Variants in DRC1 observed in about 807,000 individuals in gnomAD.
The protein encoded by DRC1 is dynein regulatory complex subunit 1.
Under a neutral mutation model 98.7 loss-of-function variants are expected in DRC1, and 74 were observed. The observed-to-expected ratio is 0.75, with a 90% CI of 0.62 to 0.91. The LOEUF (loss-of-function observed/expected upper bound fraction) is 0.91, where lower values mean the gene tolerates loss of function less well. Among genes scored for constraint, DRC1 ranks in the 40% least tolerant of loss-of-function variants. The probability of loss-of-function intolerance (pLI) is 0.00; values close to 1 mark genes in which losing one functional copy is unlikely to be tolerated. For missense variants in DRC1, 875 were observed against 886.0 expected (o/e 0.99, Z 0.16); for synonymous variants, 336 against 334.1 (o/e 1.01, Z -0.06).
intron 2 of DRC1, among the ~76,000 whole-genome samples, chr2:26,420,187 C>G (rs1347789540): frequency 6.6e-6 from 1 of 152,112 alleles, no homozygotes; most frequent in Admixed American, 6.6e-5. Context: ...ACACCTTTTC[C>G]CCTTAAAGTC....
At chr2:26,416,031 C>T (rs1360680331) in intron 2 of DRC1, among the ~76,000 whole-genome samples, 1 of 151,822 alleles carries the variant, frequency 6.6e-6, no homozygotes, top group Admixed American at 6.6e-5. Context: ...TACAGTTCAC[C>T]CCGAGCACTC....
At position 26,402,063 on chromosome 2, in the gene DRC1, C is replaced by G. The variant is rs778586998; in HGVS notation, c.74C>G (p.Pro25Arg). Residue 25 changes from proline to arginine, a missense_variant, in exon 1 of 17, where the codon CCC (proline) becomes CGC (arginine). Coordinates refer to ENST00000288710, the MANE Select transcript of DRC1 (RefSeq NM_145038.5). ...CACTTGTCCACCCAGATTCTCGCGC[C>G]CTCGGTCCACTCCGACAACTCTCAG... ...DEHLSTQILA[P>R]SVHSDNSQER... The G allele has an allele frequency of 1.4e-5, 23 of 1,613,346 alleles. No homozygotes were observed. Among genetic ancestry groups the G allele is most frequent in the Admixed American group, 5.0e-5 (3 of 60,000 alleles).
intron 11 of DRC1, among the ~76,000 whole-genome samples, chr2:26,449,779 G>A (rs1031757925): frequency 6.6e-6 from 1 of 152,298 alleles, no homozygotes; most frequent in Middle Eastern, 3.4e-3. Context: ...GATGGGCTTT[G>A]TCCCTGGCCT....
intron 7 of DRC1, among the ~76,000 whole-genome samples, chr2:26,440,044 C>T (rs534378646): frequency 6.8e-6 from 1 of 147,440 alleles, no homozygotes; most frequent in East Asian, 1.9e-4. Flanking sequence ...ATTCACAGAG[C>T]AGATAAGTTT....
chr2:26,455,025 G>T, intron 15 of DRC1, 106 bp from the exon 16 acceptor site: 1 of 1,401,484 alleles, frequency 7.1e-7, no homozygotes, highest in Non-Finnish European at 1.0e-6. Context: ...GTAGCTTCTG[G>T]AGTCTCCCTC....
chr2:26,438,087 CAAAAAAAAA>C lies in DRC1; in HGVS notation c.889-2275_889-2267del, dbSNP rs61571007. ...AGCCTGGGCGAGAAAGACTCTATCTCAAAAAAAAAAAAAAAAAAAAAAAAGGATTCTGTA... is the reference window on the plus strand; with the variant it reads ...AGCCTGGGCGAGAAAGACTCTATCTCAAAAAAAAAAAAAAAGGATTCTGTA... On this transcript the variant is annotated intron_variant, in intron 7 of 16. Coordinates refer to ENST00000288710, the MANE Select transcript of DRC1 (RefSeq NM_145038.5). Among the ~76,000 whole-genome samples the C allele has an allele frequency of 8.8e-4, 44 of 50,112 alleles. 1 individual carries two copies. Among genetic ancestry groups the C allele is most frequent in the African/African-American group, 2.2e-3 (40 of 18,090 alleles). 32.9% of individuals were successfully genotyped at this position (50,112 alleles called of 152,430 possible).
chr2:26,414,324 T>A lies in DRC1; in HGVS notation c.156-20T>A. 1 of 1,612,046 alleles carries A rather than the reference T, an allele frequency of 6.2e-7. No homozygotes were observed. The highest frequency in any genetic ancestry group is 8.5e-7 in the Non-Finnish European group (1 of 1,179,054). On this transcript the variant is annotated intron_variant, in intron 1 of 16. Coordinates refer to ENST00000288710, the MANE Select transcript of DRC1 (RefSeq NM_145038.5). Reference sequence around the variant, plus strand: ...ACGTATTAGAAATAACTTCATTTTCTCTGCTTTTTTCCATCACAGGGAAGC... The same window carrying A: ...ACGTATTAGAAATAACTTCATTTTCACTGCTTTTTTCCATCACAGGGAAGC...
intron 2 of DRC1, among the ~76,000 whole-genome samples, chr2:26,415,761 G>A (rs1469801566): frequency 6.6e-6 from 1 of 152,016 alleles, no homozygotes; most frequent in South Asian, 2.1e-4. Context: ...GTGAAACCTC[G>A]TCTCTACTAA....
rs1381234367 is a variant in DRC1, at chr2:26,402,086, C to G, written c.97C>G (p.Gln33Glu). 62 of 1,612,980 alleles carry G rather than the reference C, an allele frequency of 3.8e-5. No individual in the cohort carries two copies. Among genetic ancestry groups the G allele is most frequent in the Non-Finnish European group, 4.3e-5 (51 of 1,179,716 alleles). The change falls in exon 1 of 17, where the codon CAG (glutamine) becomes GAG (glutamate). Residue 33 changes from glutamine to glutamate, a missense_variant. Physicochemically the swap from Gln to Glu is conservative, Grantham distance 29. Transcript: ENST00000288710. ...LAPSVHSDNS[Q>E]ERIQARRLRI... is the part of the protein sequence containing the mutation. ...GCCCTCGGTCCACTCCGACAACTCT[C>G]AGGAGCGCATCCAGGCCCGGCGCCT...
chr2:26,415,039 T>A (rs1249287281), intron 2 of DRC1, among the ~76,000 whole-genome samples: 1 of 152,226 alleles, frequency 6.6e-6, no homozygotes, highest in Non-Finnish European at 1.5e-5. Context: ...TTCTGCTGCA[T>A]ATGACTTTTC....
At chr2:26,449,884 C>T (rs750262628) in intron 11 of DRC1, 112 bp from the exon 12 acceptor site, 16 of 906,146 alleles carry the variant, frequency 1.8e-5, no homozygotes, top group African/African-American at 6.7e-5. Context: ...CATCCCTGGG[C>T]GTCTGCTCCG....
intron 12 of DRC1, 28 bp downstream of exon 12, chr2:26,450,113 G>C (rs1019561414): frequency 1.3e-6 from 2 of 1,598,610 alleles, no homozygotes; most frequent in Admixed American, 1.7e-5. Context: ...GGGAGGACAC[G>C]GGTGGGGCTG....
At chr2:26,436,153 T>C (rs1331858374) in intron 7 of DRC1, among the ~76,000 whole-genome samples, 2 of 152,006 alleles carry the variant, frequency 1.3e-5, no homozygotes, top group Non-Finnish European at 2.9e-5. Flanking sequence ...TTTTTAATAA[T>C]AGCCATTCTG....
At chr2:26,415,429 TG>T (rs1205718584) in intron 2 of DRC1, among the ~76,000 whole-genome samples, 7 of 152,326 alleles carry the variant, frequency 4.6e-5, no homozygotes, top group African/African-American at 1.7e-4. Context: ...AGATCATTTC[TG>T]GTGAGAAAAA....
At chr2:26,429,474 G>A (rs1243772945) in intron 4 of DRC1, among the ~76,000 whole-genome samples, 154 bp from the exon 5 acceptor site, 1 of 152,114 alleles carries the variant, frequency 6.6e-6, no homozygotes, top group Admixed American at 6.5e-5. Context: ...CCAAAGTGCT[G>A]AGATTATAGG....
intron 4 of DRC1, among the ~76,000 whole-genome samples, chr2:26,425,719 CT>C (rs1663266380): frequency 6.6e-6 from 1 of 152,124 alleles, no homozygotes; most frequent in Non-Finnish European, 1.5e-5. Context: ...TGTATATCAT[CT>C]TTGGAGAAAT....
At chr2:26,444,644 C>G in intron 9 of DRC1, 72 bp from the exon 10 acceptor site, 1 of 1,407,248 alleles carries the variant, frequency 7.1e-7, no homozygotes, top group South Asian at 1.2e-5. Context: ...TATTCCTGCC[C>G]TGCTGCTATT....
At position 26,414,339 on chromosome 2, in the gene DRC1, C is replaced by T. The variant is rs765771804; in HGVS notation, c.156-5C>T. On this transcript the variant is annotated splice_polypyrimidine_tract_variant and splice_region_variant and intron_variant, in intron 1 of 16. Coordinates refer to ENST00000288710, the MANE Select transcript of DRC1 (RefSeq NM_145038.5). ...CTTCATTTTCTCTGCTTTTTTCCAT[C>T]ACAGGGAAGCACTTGGAGAATATTT... 1 of 1,612,136 alleles carries T rather than the reference C, an allele frequency of 6.2e-7. No individual in the cohort carries two copies. The highest frequency in any genetic ancestry group is 1.3e-5 in the African/African-American group (1 of 74,656).
At chr2:26,416,245 G>A (rs945020976) in intron 2 of DRC1, among the ~76,000 whole-genome samples, 4 of 152,018 alleles carry the variant, frequency 2.6e-5, no homozygotes, top group Non-Finnish European at 4.4e-5. Context: ...TGACCCTGCA[G>A]TTTTTCATTT....
Sources: gnomAD v4.1 joint callset for allele counts (sites outside exome capture counted in the v4.1 genomes callset) on GRCh38, gnomAD v4.1.1 for gene constraint, MANE v1.5 for transcripts, NCBI Gene and HGNC (gene_info 2026-07-23, HGNC 2026-07-21) for gene names.